Variants in DAP observed in about 807,000 individuals in gnomAD.
The protein encoded by DAP is death associated protein, also known as death-associated protein 1.
A neutral mutation model predicts 13.8 loss-of-function variants in DAP; 8 were observed. The ratio of observed to expected loss-of-function variants is 0.58; its 90% CI spans 0.34 to 1.05. The LOEUF (loss-of-function observed/expected upper bound fraction) is 1.05, where lower values mean the gene tolerates loss of function less well. DAP is among the 50% of genes least tolerant of loss of function. The pLI is 0.03. For synonymous variants in DAP, 47 were observed against 47.5 expected, an observed-to-expected ratio of 0.99 and a Z score of 0.04; for missense variants, 106 against 133.2, an observed-to-expected ratio of 0.80 and a Z score of 1.01.
chr5:10,683,416 G>A, intron 3 of DAP, 113 bp downstream of exon 3: 5 of 1,019,704 alleles, frequency 4.9e-6, no homozygotes, highest in South Asian at 2.5e-5. Context: ...CAGAGGAGAT[G>A]AGCAGTGGTG....
At chr5:10,686,627 C>G (rs991855207) in intron 2 of DAP, among the ~76,000 whole-genome samples, 1 of 152,180 alleles carries the variant, frequency 6.6e-6, no homozygotes, top group African/African-American at 2.4e-5. Context: ...TAACTCCCTT[C>G]AGTTCTATGA....
At chr5:10,723,661 C>A (rs1006678896) in intron 2 of DAP, among the ~76,000 whole-genome samples, 6 of 152,228 alleles carry the variant, frequency 3.9e-5, no homozygotes, top group Non-Finnish European at 7.3e-5. Context: ...CACTAATTAA[C>A]ACATAGCCCT....
chr5:10,729,783 C>T (rs1428805164), intron 2 of DAP, among the ~76,000 whole-genome samples: 2 of 152,176 alleles, frequency 1.3e-5, no homozygotes, highest in African/African-American at 4.8e-5. Flanking sequence ...TTCCCCTTAA[C>T]AGAAAATTCA....
chr5:10,760,314 A>G (rs1740309131), intron 1 of DAP, among the ~76,000 whole-genome samples: 1 of 152,212 alleles, frequency 6.6e-6, no homozygotes, highest in Non-Finnish European at 1.5e-5. Context: ...GTCTGGACAG[A>G]ATCCAAAGTG....
chr5:10,746,896 T>C (rs1200174297), intron 2 of DAP, among the ~76,000 whole-genome samples: 1 of 152,216 alleles, frequency 6.6e-6, no homozygotes, highest in African/African-American at 2.4e-5. Flanking sequence ...GGGTGCCTAC[T>C]CTTGGCAACT....
At chr5:10,731,100 T>G (rs1355444242) in intron 2 of DAP, among the ~76,000 whole-genome samples, 2 of 45,032 alleles carry the variant, frequency 4.4e-5, no homozygotes, top group Non-Finnish European at 4.2e-5. Context: ...AGAGCCCTGG[T>G]GGGGGGAATC....
intron 2 of DAP, among the ~76,000 whole-genome samples, chr5:10,714,864 T>C (rs1738941978): frequency 6.6e-6 from 1 of 152,084 alleles, no homozygotes; most frequent in South Asian, 2.1e-4. Flanking sequence ...AGACGCCTGC[T>C]CCCCCTTTGC....
chr5:10,699,120 G>A (rs1323324709), intron 2 of DAP, among the ~76,000 whole-genome samples: 1 of 152,136 alleles, frequency 6.6e-6, no homozygotes, highest in African/African-American at 2.4e-5. Context: ...GACCCAGTGA[G>A]CCACTAAGGA....
chr5:10,744,256 C>G (rs779548929), intron 2 of DAP, among the ~76,000 whole-genome samples: 2 of 152,142 alleles, frequency 1.3e-5, no homozygotes, highest in African/African-American at 4.8e-5. Context: ...TACTCATTTT[C>G]ATATCTGAAC....
At chr5:10,699,507 G>A (rs534088422) in intron 2 of DAP, among the ~76,000 whole-genome samples, 3 of 152,358 alleles carry the variant, frequency 2.0e-5, no homozygotes, top group Non-Finnish European at 4.4e-5. Flanking sequence ...AGAAGCTAAT[G>A]CGAAAGCAGG....
chr5:10,716,272 T>C (rs933863663), intron 2 of DAP, among the ~76,000 whole-genome samples: 1 of 152,240 alleles, frequency 6.6e-6, no homozygotes, highest in African/African-American at 2.4e-5. Context: ...GTGCTTTCAA[T>C]GAACTTTTCA....
At chr5:10,715,061 G>A (rs1738948229) in intron 2 of DAP, among the ~76,000 whole-genome samples, 1 of 152,122 alleles carries the variant, frequency 6.6e-6, no homozygotes, top group Non-Finnish European at 1.5e-5. Flanking sequence ...ATACAGATAT[G>A]CACGCCATAA....
At chr5:10,683,446 G>T in intron 3 of DAP, 83 bp downstream of exon 3, 1 of 1,334,506 alleles carries the variant, frequency 7.5e-7, no homozygotes, top group Non-Finnish European at 1.1e-6. Flanking sequence ...TCCAGGTAGA[G>T]TTTAACAAAA....
At chr5:10,734,959 C>T (rs1033133172) in intron 2 of DAP, among the ~76,000 whole-genome samples, 1 of 152,186 alleles carries the variant, frequency 6.6e-6, no homozygotes, top group Non-Finnish European at 1.5e-5. Flanking sequence ...CCTGAGAGCT[C>T]CCAGGGAAGC....
chr5:10,692,455 G>A (rs1553999096), intron 2 of DAP, among the ~76,000 whole-genome samples: 1 of 152,096 alleles, frequency 6.6e-6, no homozygotes, highest in Non-Finnish European at 1.5e-5. Flanking sequence ...CCGCCTGGAT[G>A]TCTCCCAGGT....
chr5:10,736,376 C>A (rs529165820), intron 2 of DAP, among the ~76,000 whole-genome samples: 9 of 152,314 alleles, frequency 5.9e-5, no homozygotes, highest in Non-Finnish European at 8.8e-5. Flanking sequence ...ATGAGAATGG[C>A]TTTGTCCTAA....
chr5:10,719,974 T>C (rs781373261), intron 2 of DAP, among the ~76,000 whole-genome samples: 1 of 152,212 alleles, frequency 6.6e-6, no homozygotes, highest in African/African-American at 2.4e-5. Context: ...ATCTTCCCAG[T>C]GGGCAGAACT....
At chr5:10,756,217 T>C (rs1259428062) in intron 1 of DAP, among the ~76,000 whole-genome samples, 4 of 140,370 alleles carry the variant, frequency 2.8e-5, no homozygotes, top group African/African-American at 1.1e-4. Context: ...TGAAAAAAGA[T>C]AGTAACTAAA....
chr5:10,690,186 A>G (rs1486683517), intron 2 of DAP, among the ~76,000 whole-genome samples: 1 of 152,150 alleles, frequency 6.6e-6, no homozygotes, highest in Non-Finnish European at 1.5e-5. Context: ...CTCGGCGGGA[A>G]GTGACAGGAC....
Sources: gnomAD v4.1 joint callset for allele counts (sites outside exome capture counted in the v4.1 genomes callset) on GRCh38, gnomAD v4.1.1 for gene constraint, MANE v1.5 for transcripts, NCBI Gene and HGNC (gene_info 2026-07-23, HGNC 2026-07-21) for gene names.